Variants in KLHL3 observed in about 807,000 individuals in gnomAD.
The protein encoded by KLHL3 is kelch like family member 3.
A neutral mutation model predicts 70.5 loss-of-function variants in KLHL3; 19 were observed. That is an observed-to-expected ratio of 0.27 (90% CI 0.19 to 0.40). The LOEUF (loss-of-function observed/expected upper bound fraction) is 0.40, where lower values mean the gene tolerates loss of function less well. Ranked by LOEUF, KLHL3 falls within the 10% of genes least tolerant of loss-of-function variation. KLHL3 has a pLI of 1.00. For missense variants in KLHL3, 512 were observed against 771.1 expected, an observed-to-expected ratio of 0.66 and a Z score of 3.98; for synonymous variants, 258 against 290.3, an observed-to-expected ratio of 0.89 and a Z score of 1.13.
chr5:137,639,829 A>G lies in KLHL3; in HGVS notation c.1021+31T>C, dbSNP rs1348447136. On this transcript the variant is annotated intron_variant, in intron 9 of 14. Transcript: ENST00000309755. This position sits in a 1 kb window ranked among gnomAD's most constrained non-coding sequence, Gnocchi z 5.0. ...CACGGAGTGGGGACCAGCAGGGGAA[A>G]AACAGCTTGCAGAACTGGGAGGCTG... 6.4e-7 allele frequency: 1 copy of G among 1,566,752 alleles called. No individual in the cohort carries two copies. The highest frequency in any genetic ancestry group is 1.4e-5 in the African/African-American group (1 of 73,960).
At chr5:137,735,590 C>T (rs748556070) in intron 1 of KLHL3, 43 bp downstream of exon 1, 59 of 1,487,252 alleles carry the variant, frequency 4.0e-5, no homozygotes, top group Non-Finnish European at 5.4e-5. Context: ...CACACATACA[C>T]TTACATACAC....
chr5:137,703,022 G>C (rs576036137), intron 3 of KLHL3, among the ~76,000 whole-genome samples: 6 of 152,192 alleles, frequency 3.9e-5, no homozygotes, highest in Non-Finnish European at 8.8e-5. Flanking sequence ...GAAGACTCAA[G>C]ATGTCCAGAA....
intron 12 of KLHL3, among the ~76,000 whole-genome samples, chr5:137,631,069 C>CAAAAAAAAAAA (rs70979549): frequency 1.0e-4 from 11 of 105,780 alleles, no homozygotes; most frequent in Admixed American, 3.0e-4. Context: ...TCCAAAAATA[C>CAAAAAAAAAAA]AAAAAAAAAA....
At chr5:137,701,284 A>C (rs947095364) in intron 3 of KLHL3, among the ~76,000 whole-genome samples, 4 of 151,974 alleles carry the variant, frequency 2.6e-5, no homozygotes, top group Non-Finnish European at 5.9e-5. Flanking sequence ...CCGACCTCAG[A>C]CGATCTGTCC....
chr5:137,676,167 G>A (rs1353741841), intron 6 of KLHL3, among the ~76,000 whole-genome samples: 1 of 152,208 alleles, frequency 6.6e-6, no homozygotes, highest in Non-Finnish European at 1.5e-5. Flanking sequence ...TTTCAGGGAA[G>A]CCCACAGTTT....
At chr5:137,643,696 A>C (rs1750974421) in intron 8 of KLHL3, among the ~76,000 whole-genome samples, 2 of 152,232 alleles carry the variant, frequency 1.3e-5, no homozygotes, top group Admixed American at 6.5e-5. Flanking sequence ...GGTAATCAGC[A>C]TACCCACCAT....
chr5:137,629,762 C>T (rs1166328456), intron 12 of KLHL3: 1 of 101,708 alleles, frequency 9.8e-6, no homozygotes, highest in Non-Finnish European at 2.4e-5. Flanking sequence ...CCAACAATGG[C>T]TCTCTCTAAC....
At chr5:137,702,676 G>A (rs1752594549) in intron 3 of KLHL3, among the ~76,000 whole-genome samples, 1 of 152,168 alleles carries the variant, frequency 6.6e-6, no homozygotes, top group South Asian at 2.1e-4. Flanking sequence ...GAATGGGTGG[G>A]GAATGGGAAA....
chr5:137,661,642 G>A (rs1580740958), intron 7 of KLHL3: 1 of 317,478 alleles, frequency 3.1e-6, no homozygotes, highest in East Asian at 5.7e-5. Context: ...TATAATATCT[G>A]TTCTATGGAA....
At chr5:137,727,768 C>A (rs778058550) in intron 1 of KLHL3, among the ~76,000 whole-genome samples, 3 of 152,178 alleles carry the variant, frequency 2.0e-5, no homozygotes, top group Non-Finnish European at 4.4e-5. Context: ...TGTATTCCCA[C>A]AGTACTGTGC....
intron 2 of KLHL3, among the ~76,000 whole-genome samples, chr5:137,716,210 G>A (rs953545013): frequency 6.6e-6 from 1 of 151,432 alleles, no homozygotes; most frequent in Non-Finnish European, 1.5e-5. Context: ...AGGTTGAGAC[G>A]TAAATTTCTT....
chr5:137,697,362 C>T (rs1484107046), intron 4 of KLHL3, among the ~76,000 whole-genome samples: 5 of 152,132 alleles, frequency 3.3e-5, no homozygotes, highest in African/African-American at 1.2e-4. Context: ...CAGGGTTTCA[C>T]TGTGTTGGCC....
intron 6 of KLHL3, among the ~76,000 whole-genome samples, chr5:137,676,604 C>T (rs1237249732): frequency 2.6e-5 from 4 of 152,172 alleles, no homozygotes; most frequent in Admixed American, 6.5e-5. Flanking sequence ...ACTGATTGAA[C>T]ACCTACTAGG....
At chr5:137,685,538 G>A (rs1752141144) in intron 5 of KLHL3, among the ~76,000 whole-genome samples, 1 of 152,216 alleles carries the variant, frequency 6.6e-6, no homozygotes, top group Non-Finnish European at 1.5e-5. Flanking sequence ...GACTGGCTTT[G>A]CATTTTATAC....
In KLHL3 at chr5:137,638,941, C is replaced by A. The variant is rs1433629230; in HGVS notation, c.1219+12G>T. 1 of 1,613,026 alleles carries A rather than the reference C, an allele frequency of 6.2e-7. No individual in the cohort carries two copies. Among genetic ancestry groups the A allele is most frequent in the Non-Finnish European group, 8.5e-7 (1 of 1,179,258 alleles). ...CAGGCTAGGAGGGGTTGGGAACACACCCTAAACCTACCAGTACTGCCATCA... is the reference window on the plus strand; with the variant it reads ...CAGGCTAGGAGGGGTTGGGAACACAACCTAAACCTACCAGTACTGCCATCA... On this transcript the variant is annotated intron_variant, in intron 10 of 14. Coordinates refer to ENST00000309755, the MANE Select transcript of KLHL3 (RefSeq NM_017415.3).
intron 4 of KLHL3, among the ~76,000 whole-genome samples, chr5:137,697,378 G>A (rs1024438707): frequency 6.6e-6 from 1 of 152,118 alleles, no homozygotes; most frequent in African/African-American, 2.4e-5. Flanking sequence ...TGGCCAGGCT[G>A]GTTTCGAACT....
In KLHL3 at chr5:137,617,873, G is replaced by C. The variant is rs1756270283; in HGVS notation, c.*4225C>G. On this transcript the variant is annotated 3_prime_UTR_variant, in exon 15 of 15. Transcript: ENST00000309755. ...AGGGTCCTCTATTGCCACTGAAAAT[G>C]AGGGGAGGGGAGGATGGGGGAGCGA... 1 of 152,344 alleles carries C rather than the reference G, an allele frequency of 6.6e-6. No homozygotes were observed. Among genetic ancestry groups the C allele is most frequent in the Admixed American group, 6.5e-5 (1 of 15,302 alleles). The allele number at this position is 152,344 out of a possible 1,614,324, so 9.4% of individuals were successfully genotyped here.
intron 1 of KLHL3, among the ~76,000 whole-genome samples, chr5:137,728,537 G>A (rs1003664480): frequency 3.9e-5 from 6 of 152,130 alleles, no homozygotes; most frequent in Non-Finnish European, 7.4e-5. Flanking sequence ...CACAGAATCA[G>A]GAGGATGGGA....
chr5:137,658,035 G>A, intron 8 of KLHL3, 96 bp downstream of exon 8: 1 of 1,228,998 alleles, frequency 8.1e-7, no homozygotes, highest in South Asian at 1.5e-5. Flanking sequence ...AAGATGCAGG[G>A]CAGCCATGGG....
Sources: gnomAD v4.1 joint callset for allele counts (sites outside exome capture counted in the v4.1 genomes callset) on GRCh38, gnomAD v4.1.1 for gene constraint, Gnocchi (gnomAD v3.1) non-coding constraint, MANE v1.5 for transcripts, NCBI Gene and HGNC (gene_info 2026-07-23, HGNC 2026-07-21) for gene names.